DPP6: variants seen among roughly 807,000 people sequenced by gnomAD.
The protein encoded by DPP6 is A-type potassium channel modulatory protein DPP6.
Under a neutral mutation model 122.6 loss-of-function variants are expected in DPP6, and 69 were observed. The ratio of observed to expected loss-of-function variants is 0.56; its 90% CI spans 0.46 to 0.69. The LOEUF (loss-of-function observed/expected upper bound fraction) is 0.69. Among genes scored for constraint, DPP6 ranks in the 30% least tolerant of loss-of-function variants. The pLI is 0.00. For synonymous variants in DPP6, 418 were observed against 433.1 expected, an observed-to-expected ratio of 0.97 and a Z score of 0.43; for missense variants, 928 against 1,116.9, an observed-to-expected ratio of 0.83 and a Z score of 2.41.
intron 12 of DPP6, among the ~76,000 whole-genome samples, chr7:154,800,503 C>T (rs781072799): frequency 3.9e-5 from 6 of 152,202 alleles, no homozygotes; most frequent in Non-Finnish European, 7.3e-5. Flanking sequence ...AATCCTTTTT[C>T]GCCCATCAAA....
At chr7:154,565,155 C>A (rs192090385) in intron 4 of DPP6, among the ~76,000 whole-genome samples, 27 of 152,164 alleles carry the variant, frequency 1.8e-4, no homozygotes, top group Admixed American at 1.2e-3. Context: ...ATAAGGTGTC[C>A]TTAAAAAGAA....
At chr7:153,897,847 G>A (rs1027640311) in intron 1 of DPP6, among the ~76,000 whole-genome samples, 10 of 152,146 alleles carry the variant, frequency 6.6e-5, no homozygotes, top group African/African-American at 1.9e-4. Context: ...CAGTGCACAA[G>A]TGTTCCCCTT....
intron 10 of DPP6, among the ~76,000 whole-genome samples, chr7:154,782,820 G>C (rs572686406): frequency 6.6e-6 from 1 of 152,144 alleles, no homozygotes; most frequent in South Asian, 2.1e-4. Flanking sequence ...GCCTCGCTCT[G>C]TCGCCCAGGT....
At chr7:154,723,112 A>G (rs1251555431) in intron 7 of DPP6, among the ~76,000 whole-genome samples, 1 of 152,120 alleles carries the variant, frequency 6.6e-6, no homozygotes, top group African/African-American at 2.4e-5. Context: ...TACAAAAATT[A>G]GCCAGGAGTG....
At chr7:154,060,214 C>G (rs1175801986) in intron 1 of DPP6, among the ~76,000 whole-genome samples, 1 of 145,302 alleles carries the variant, frequency 6.9e-6, no homozygotes, top group Non-Finnish European at 1.5e-5. Context: ...GCGAGCCCCT[C>G]TTCCCCCCTT....
intron 1 of DPP6, among the ~76,000 whole-genome samples, chr7:154,309,556 T>C (rs547124387): frequency 3.9e-5 from 6 of 152,344 alleles, no homozygotes; most frequent in Non-Finnish European, 8.8e-5. Context: ...GAATTTCTGA[T>C]GTTCCTGTCC....
At chr7:154,601,494 G>A (rs1322279592) in intron 5 of DPP6, among the ~76,000 whole-genome samples, 5 of 120,380 alleles carry the variant, frequency 4.2e-5, no homozygotes, top group African/African-American at 1.3e-4. Flanking sequence ...TTAATATTCT[G>A]TGTTCTTCAG....
chr7:154,351,877 C>T (rs998897743), intron 1 of DPP6, among the ~76,000 whole-genome samples: 1 of 152,124 alleles, frequency 6.6e-6, no homozygotes, highest in Non-Finnish European at 1.5e-5. Context: ...CACCTCTGCT[C>T]CCCTGGGGTC....
intron 1 of DPP6, among the ~76,000 whole-genome samples, chr7:154,326,562 A>G (rs1274448730): frequency 6.6e-6 from 1 of 152,174 alleles, no homozygotes; most frequent in East Asian, 1.9e-4. Flanking sequence ...TCCTCATCCT[A>G]ATTTACACAG....
At chr7:154,669,250 C>T in intron 6 of DPP6, 110 bp from the exon 7 acceptor site, 1 of 1,490,894 alleles carries the variant, frequency 6.7e-7, no homozygotes, top group Non-Finnish European at 9.1e-7. Context: ...GAAATGGATA[C>T]CATGGAAGGA....
the DPP6 span, among the ~76,000 whole-genome samples, chr7:153,877,943 C>A: frequency 3.0e-3 from 463 of 152,176 alleles, 5 homozygotes; most frequent in African/African-American, 0.01. Context: ...CTACAAATGA[C>A]AAATGGGCAA....
chr7:154,003,768 T>G (rs1323970256), intron 1 of DPP6, among the ~76,000 whole-genome samples: 2 of 152,044 alleles, frequency 1.3e-5, no homozygotes, highest in African/African-American at 4.8e-5. Flanking sequence ...TCCATGCATC[T>G]CTCCTTCTCT....
intron 20 of DPP6, chr7:154,876,319 T>G: frequency 1.2e-6 from 1 of 832,052 alleles, no homozygotes; most frequent in Non-Finnish European, 1.6e-6. Flanking sequence ...CACTGCAGGG[T>G]AGATTGTTGA....
chr7:154,699,742 C>T (rs1046998279), intron 7 of DPP6, among the ~76,000 whole-genome samples: 2 of 152,258 alleles, frequency 1.3e-5, no homozygotes, highest in Non-Finnish European at 2.9e-5. Context: ...TGGAGAAGCC[C>T]TGGCATGATT....
At chr7:154,320,254 C>A (rs1807823189) in intron 1 of DPP6, among the ~76,000 whole-genome samples, 1 of 152,034 alleles carries the variant, frequency 6.6e-6, no homozygotes, top group Admixed American at 6.6e-5. Context: ...ACTGACGGTG[C>A]CTCTCACTTC....
At chr7:154,599,276 C>G (rs1833280160) in intron 5 of DPP6, among the ~76,000 whole-genome samples, 1 of 152,136 alleles carries the variant, frequency 6.6e-6, no homozygotes, top group African/African-American at 2.4e-5. Context: ...CCGCATAGGT[C>G]TAAGGACTGC....
At chr7:154,575,611 ATG>A (rs1379440306) in intron 5 of DPP6, among the ~76,000 whole-genome samples, 4 of 60,202 alleles carry the variant, frequency 6.6e-5, no homozygotes, top group African/African-American at 1.5e-4. Context: ...TGGTGTGTGT[ATG>A]TGTGTGTGGT....
chr7:154,419,711 G>A (rs10249437), intron 1 of DPP6, among the ~76,000 whole-genome samples: 2,372 of 152,260 alleles, frequency 0.016, 70 homozygotes, highest in African/African-American at 0.054. Context: ...ATTTTGAAGC[G>A]CAGTTTGTGT....
the DPP6 span, among the ~76,000 whole-genome samples, chr7:153,762,780 C>CA: frequency 5.9e-5 from 9 of 151,556 alleles, no homozygotes; most frequent in South Asian, 2.1e-4. Context: ...AACTCCATCT[C>CA]AAAAAAAATA....
Sources: gnomAD v4.1 joint callset for allele counts (sites outside exome capture counted in the v4.1 genomes callset) on GRCh38, gnomAD v4.1.1 for gene constraint, MANE v1.5 for transcripts, NCBI Gene and HGNC (gene_info 2026-07-23, HGNC 2026-07-21) for gene names.